The following KIF26B variants were observed in gnomAD, a reference collection of about 807,000 sequenced individuals.
KIF26B encodes kinesin-like protein KIF26B.
A neutral mutation model predicts 151.2 loss-of-function variants in KIF26B; 63 were observed. The observed-to-expected ratio is 0.42, with a 90% CI of 0.34 to 0.51. KIF26B has a LOEUF of 0.51. KIF26B is among the 20% of genes least tolerant of loss of function. The pLI, the probability that KIF26B is intolerant of heterozygous loss-of-function variation, is 0.07. For missense variants in KIF26B, 2,813 were observed against 2,913.6 expected (o/e 0.97, Z 0.79); for synonymous variants, 1,357 against 1,262.1 (o/e 1.08, Z -1.59).
chr1:245,326,639 G>A (rs1326194825), intron 2 of KIF26B, among the ~76,000 whole-genome samples: 1 of 152,228 alleles, frequency 6.6e-6, no homozygotes, highest in Non-Finnish European at 1.5e-5. Context: ...GGCACAAGGA[G>A]CAGCAGCTGG....
intron 4 of KIF26B, among the ~76,000 whole-genome samples, chr1:245,523,141 AAAG>A (rs1469232017): frequency 6.6e-6 from 1 of 152,216 alleles, no homozygotes; most frequent in Non-Finnish European, 1.5e-5. Flanking sequence ...TGAGTGTCAG[AAAG>A]AAGATTTGAA....
Position 245,605,025 on chromosome 1 carries a change from G to A in KIF26B, c.1557+2242G>A, listed in dbSNP as rs12058904. Among the ~76,000 whole-genome samples the A allele has an allele frequency of 5.9e-3, 902 of 152,184 alleles. 4 individuals are homozygous for A. Among genetic ancestry groups the A allele is most frequent in the African/African-American group, 0.017 (695 of 41,520 alleles). On this transcript the variant is annotated intron_variant, in intron 6 of 14. Coordinates refer to ENST00000407071, the MANE Select transcript of KIF26B (RefSeq NM_018012.4). Reference sequence around the variant, plus strand: ...CCGTTAACCTCTCTGTATCCTGCTCGGTATGGTGGTGTATCTTTGACCTCC... The same window carrying A: ...CCGTTAACCTCTCTGTATCCTGCTCAGTATGGTGGTGTATCTTTGACCTCC...
chr1:245,533,833 C>T (rs1661432610), intron 4 of KIF26B, among the ~76,000 whole-genome samples: 1 of 151,480 alleles, frequency 6.6e-6, no homozygotes, highest in African/African-American at 2.4e-5. Context: ...CTCTAATCTA[C>T]ATAATTGAGA....
chr1:245,490,305 CA>C (rs1420720005), intron 4 of KIF26B, among the ~76,000 whole-genome samples: 9 of 112,956 alleles, frequency 8.0e-5, no homozygotes, highest in African/African-American at 1.3e-4. Context: ...TTCTGTAGAA[CA>C]TTTTTTTTTT....
chr1:245,490,822 C>A (rs1440115526), intron 4 of KIF26B, among the ~76,000 whole-genome samples: 1 of 152,148 alleles, frequency 6.6e-6, no homozygotes, highest in African/African-American at 2.4e-5. Context: ...TACCTGAGAA[C>A]GGTTCTCTGT....
chr1:245,173,445 TCGC>T (rs758173832), intron 2 of KIF26B, among the ~76,000 whole-genome samples: 17 of 152,262 alleles, frequency 1.1e-4, no homozygotes, highest in Non-Finnish European at 2.4e-4. Context: ...TGTGCACTGG[TCGC>T]CCAGTGACGG....
rs959297633 is a variant in KIF26B, at chr1:245,688,170, G to A, written c.5187G>A (p.Gln1729=). The A allele has an allele frequency of 1.9e-6, 3 of 1,597,840 alleles. No homozygotes were observed. The highest frequency in any genetic ancestry group is 2.5e-6 in the Non-Finnish European group (3 of 1,178,632). Reference sequence around the variant, plus strand: ...CCGGGGCCTCGCCCAAGGCCGGCCAGTCCAAGATCTCCGCCGTGAGCAGAC... The same window carrying A: ...CCGGGGCCTCGCCCAAGGCCGGCCAATCCAAGATCTCCGCCGTGAGCAGAC... The part of the protein sequence containing the change: ...PSSGASPKAG[Q]SKISAVSRLL... Residue 1729 remains glutamine, a synonymous_variant, in exon 12 of 15, where the codon CAG becomes CAA. Transcript: ENST00000407071.
At chr1:245,522,036 A>T (rs1223533009) in intron 4 of KIF26B, among the ~76,000 whole-genome samples, 2 of 151,644 alleles carry the variant, frequency 1.3e-5, no homozygotes, top group Non-Finnish European at 2.9e-5. Flanking sequence ...TGCCCGGCTA[A>T]TTTTTTGTAT....
chr1:245,308,550 G>A (rs1671601340), intron 2 of KIF26B, among the ~76,000 whole-genome samples: 3 of 152,158 alleles, frequency 2.0e-5, no homozygotes, highest in Admixed American at 1.3e-4. Flanking sequence ...AACATAGTGA[G>A]ACCTTGCTTC....
chr1:245,649,566 G>A (rs75245444), intron 10 of KIF26B, among the ~76,000 whole-genome samples: 1,777 of 152,298 alleles, frequency 0.012, 35 homozygotes, highest in African/African-American at 0.041. Context: ...GCGTTCCTTA[G>A]AGAAGTGGAA....
At chr1:245,623,052 T>G (rs1216300661) in intron 9 of KIF26B, among the ~76,000 whole-genome samples, 4 of 81,224 alleles carry the variant, frequency 4.9e-5, no homozygotes, top group Admixed American at 1.3e-4. Context: ...TTTTTTTTTT[T>G]GTTGTTTTTT....
intron 14 of KIF26B, among the ~76,000 whole-genome samples, chr1:245,700,883 T>C (rs2044761740): frequency 6.6e-6 from 1 of 152,250 alleles, no homozygotes; most frequent in Non-Finnish European, 1.5e-5. Context: ...TTTCCTTGTT[T>C]CAGGAATCCC....
In KIF26B at chr1:245,367,835, C is replaced by G. The variant is rs187467374; in HGVS notation, c.999+468C>G. On this transcript the variant is annotated intron_variant, in intron 3 of 14. Coordinates refer to ENST00000407071, the MANE Select transcript of KIF26B (RefSeq NM_018012.4). The surrounding 1 kb of genome is among the most constrained non-coding windows in gnomAD (Gnocchi z 4.2). ...CTCATTTATAAATGGATGTGAGTCA[C>G]GAGAATTAAATAAGGTAGTGTTTGC... 1.3e-5 allele frequency among the ~76,000 whole-genome samples: 2 copies of G among 152,114 alleles called. No homozygotes were observed. Among genetic ancestry groups the G allele is most frequent in the Non-Finnish European group, 2.9e-5 (2 of 68,022 alleles).
At chr1:245,356,678 T>A (rs540220783) in intron 2 of KIF26B, among the ~76,000 whole-genome samples, 2 of 152,384 alleles carry the variant, frequency 1.3e-5, no homozygotes, top group South Asian at 4.1e-4. Context: ...TCTGTGTGCC[T>A]ACTTGACTTC....
chr1:245,656,939 T>C (rs1002971550), intron 10 of KIF26B, among the ~76,000 whole-genome samples: 4 of 152,234 alleles, frequency 2.6e-5, no homozygotes, highest in African/African-American at 9.6e-5. Flanking sequence ...ATGTACCTAG[T>C]AATTTTGTAA....
At chr1:245,543,867 G>A (rs1205324357) in intron 5 of KIF26B, among the ~76,000 whole-genome samples, 1 of 152,190 alleles carries the variant, frequency 6.6e-6, no homozygotes, top group Non-Finnish European at 1.5e-5. Flanking sequence ...AGAATCGCTT[G>A]AACCTGGGAG....
chr1:245,445,695 A>G (rs558815113), intron 4 of KIF26B, among the ~76,000 whole-genome samples: 133 of 152,328 alleles, frequency 8.7e-4, no homozygotes, highest in Middle Eastern at 3.4e-3. Context: ...ATGCCCAGCT[A>G]CGCTGGTCAC....
At chr1:245,692,165 A>C (rs1372010996) in intron 12 of KIF26B, among the ~76,000 whole-genome samples, 1 of 152,178 alleles carries the variant, frequency 6.6e-6, no homozygotes, top group African/African-American at 2.4e-5. Flanking sequence ...CAGTTGTTCA[A>C]CATTGACCAG....
At chr1:245,438,577 G>A (rs746267527) in intron 4 of KIF26B, among the ~76,000 whole-genome samples, 2 of 152,066 alleles carry the variant, frequency 1.3e-5, no homozygotes, top group Non-Finnish European at 2.9e-5. Context: ...GTTTGTTCAC[G>A]TCGAGACTTG....
Sources: gnomAD v4.1 joint callset for allele counts (sites outside exome capture counted in the v4.1 genomes callset) on GRCh38, gnomAD v4.1.1 for gene constraint, Gnocchi (gnomAD v3.1) non-coding constraint, MANE v1.5 for transcripts, NCBI Gene and HGNC (gene_info 2026-07-23, HGNC 2026-07-21) for gene names.